The following AGBL1 variants were observed in gnomAD, a reference collection of about 807,000 sequenced individuals.
AGBL1 encodes cytosolic carboxypeptidase 4.
AGBL1 carries 130 observed loss-of-function variants against 118.9 expected under a neutral mutation model. The ratio of observed to expected loss-of-function variants is 1.09; its 90% CI spans 0.95 to 1.26. The LOEUF is 1.26. Among genes scored for constraint, AGBL1 ranks in the 50% most tolerant of loss-of-function variants. AGBL1 has a pLI of 0.00. For missense variants in AGBL1, 1,584 were observed against 1,298.1 expected, an observed-to-expected ratio of 1.22 and a Z score of -3.38; for synonymous variants, 555 against 478.9, an observed-to-expected ratio of 1.16 and a Z score of -2.08.
chr15:86,474,713 C>G (rs1011493909), intron 18 of AGBL1, among the ~76,000 whole-genome samples: 1 of 152,214 alleles, frequency 6.6e-6, no homozygotes, highest in East Asian at 1.9e-4. Flanking sequence ...TGTCTGACAG[C>G]TTTGAAGACA....
intron 23 of AGBL1, among the ~76,000 whole-genome samples, chr15:86,987,191 G>A (rs1286846047): frequency 1.3e-5 from 2 of 152,122 alleles, no homozygotes; most frequent in Admixed American, 6.6e-5. Context: ...GTTACTTCAG[G>A]CCATCTGGAT....
At chr15:86,396,473 T>C (rs913880059) in intron 17 of AGBL1, among the ~76,000 whole-genome samples, 2 of 152,068 alleles carry the variant, frequency 1.3e-5, no homozygotes, top group African/African-American at 4.8e-5. Context: ...TTTTCCTGAC[T>C]CCCTTTGCAA....
At chr15:86,688,717 A>G (rs2086107478) in intron 22 of AGBL1, among the ~76,000 whole-genome samples, 1 of 152,192 alleles carries the variant, frequency 6.6e-6, no homozygotes, top group Non-Finnish European at 1.5e-5. Flanking sequence ...GGCGGGCACA[A>G]TTGATACATA....
At chr15:86,904,643 T>C (rs1567232528) in intron 22 of AGBL1, among the ~76,000 whole-genome samples, 2 of 147,902 alleles carry the variant, frequency 1.4e-5, no homozygotes, top group African/African-American at 2.5e-5. Flanking sequence ...TTATGTATAA[T>C]AAATGTATGT....
chr15:86,127,382 C>T (rs947130303), intron 1 of AGBL1, among the ~76,000 whole-genome samples: 1 of 152,136 alleles, frequency 6.6e-6, no homozygotes, highest in African/African-American at 2.4e-5. Context: ...TGACGTGGGT[C>T]CTCCTATAGA....
intron 21 of AGBL1, among the ~76,000 whole-genome samples, chr15:86,643,028 T>C (rs1009998667): frequency 1.6e-4 from 24 of 152,280 alleles, no homozygotes; most frequent in Non-Finnish European, 1.9e-4. Flanking sequence ...TTGGTTTCTT[T>C]TTACATCTCA....
chr15:86,823,916 G>A (rs1331936888), intron 22 of AGBL1, among the ~76,000 whole-genome samples: 7 of 151,932 alleles, frequency 4.6e-5, no homozygotes, highest in Non-Finnish European at 1.0e-4. Context: ...TAGAAATGGA[G>A]GAGAATTACC....
At chr15:86,552,179 A>C (rs1013780097) in intron 20 of AGBL1, among the ~76,000 whole-genome samples, 5 of 152,180 alleles carry the variant, frequency 3.3e-5, no homozygotes, top group Non-Finnish European at 7.3e-5. Context: ...CAGTTACAAC[A>C]AACCTACCAC....
chr15:86,413,696 C>A (rs565931917), intron 18 of AGBL1, among the ~76,000 whole-genome samples: 1 of 152,232 alleles, frequency 6.6e-6, no homozygotes, highest in African/African-American at 2.4e-5. Flanking sequence ...TATTCATACC[C>A]TTTGCCCACT....
At chr15:86,632,347 G>T (rs1358538017) in intron 21 of AGBL1, among the ~76,000 whole-genome samples, 1 of 151,888 alleles carries the variant, frequency 6.6e-6, no homozygotes, top group African/African-American at 2.4e-5. Context: ...GGAGACTGAG[G>T]CAGGGAAATC....
At chr15:86,487,940 A>T (rs2082732874) in intron 18 of AGBL1, among the ~76,000 whole-genome samples, 2 of 152,006 alleles carry the variant, frequency 1.3e-5, no homozygotes, top group South Asian at 4.1e-4. Flanking sequence ...ACATGTCTGG[A>T]TGAGTTTCAA....
At chr15:86,262,041 C>A (rs2078995177) in intron 9 of AGBL1, among the ~76,000 whole-genome samples, 1 of 133,202 alleles carries the variant, frequency 7.5e-6, no homozygotes, top group South Asian at 2.6e-4. Flanking sequence ...GCTTTTCCTT[C>A]TGCTAATAAT....
intron 4 of AGBL1, among the ~76,000 whole-genome samples, chr15:86,155,724 G>A (rs2077180136): frequency 6.6e-6 from 1 of 151,938 alleles, no homozygotes; most frequent in African/African-American, 2.4e-5. Context: ...AAAGACCTGA[G>A]TTTGACTGTG....
chr15:86,826,402 T>A (rs367991123), intron 22 of AGBL1, among the ~76,000 whole-genome samples: 1 of 152,034 alleles, frequency 6.6e-6, no homozygotes, highest in Non-Finnish European at 1.5e-5. Flanking sequence ...AATGGAAATA[T>A]TAGAATTGAT....
At chr15:86,827,203 A>G (rs2079023161) in intron 22 of AGBL1, among the ~76,000 whole-genome samples, 1 of 145,772 alleles carries the variant, frequency 6.9e-6, no homozygotes, top group South Asian at 2.2e-4. Flanking sequence ...ATGCCTTCAC[A>G]TTTCTCTAGA....
chr15:86,317,954 CT>C (rs1178056146), intron 17 of AGBL1, among the ~76,000 whole-genome samples: 2 of 152,168 alleles, frequency 1.3e-5, no homozygotes, highest in Non-Finnish European at 2.9e-5. Context: ...CCTGAGACTT[CT>C]GGACCAAGTA....
chr15:86,185,601 T>G (rs1440144895), intron 5 of AGBL1, among the ~76,000 whole-genome samples: 1 of 152,118 alleles, frequency 6.6e-6, no homozygotes, highest in Non-Finnish European at 1.5e-5. Context: ...TTCATGTCCT[T>G]TGTAAGGACA....
At chr15:86,951,355 T>TA (rs1242044667) in intron 23 of AGBL1, among the ~76,000 whole-genome samples, 1 of 152,204 alleles carries the variant, frequency 6.6e-6, no homozygotes, top group Non-Finnish European at 1.5e-5. Flanking sequence ...AATAAATACT[T>TA]ACGTTCATCA....
At chr15:86,274,901 C>T (rs2079221779) in intron 15 of AGBL1, among the ~76,000 whole-genome samples, 1 of 151,958 alleles carries the variant, frequency 6.6e-6, no homozygotes, top group African/African-American at 2.4e-5. Context: ...ATCACCCTGC[C>T]CCTCCCCTGG....
Sources: allele counts gnomAD v4.1 joint callset (sites outside exome capture counted in the v4.1 genomes callset), GRCh38; gene constraint gnomAD v4.1.1; transcripts MANE v1.5; gene names NCBI Gene and HGNC (gene_info 2026-07-23, HGNC 2026-07-21).